The following RPL5 variants were observed in gnomAD, a reference collection of about 807,000 sequenced individuals.
RPL5 encodes ribosomal protein L5.
RPL5 carries 1 observed loss-of-function variant against 38.4 expected under a neutral mutation model. The observed-to-expected ratio is 0.03, with a 90% CI of 0.01 to 0.12. The LOEUF (loss-of-function observed/expected upper bound fraction) is 0.12. Among genes scored for constraint, RPL5 ranks in the 10% least tolerant of loss-of-function variants. RPL5 has a pLI of 1.00. For synonymous variants in RPL5, 109 were observed against 121.2 expected (o/e 0.90, Z 0.66); for missense variants, 243 against 374.1 (o/e 0.65, Z 2.89).
At chr1:92,833,279 T>G in intron 1 of RPL5, 110 bp from the exon 2 acceptor site, 1 of 882,346 alleles carries the variant, frequency 1.1e-6, no homozygotes, top group Non-Finnish European at 1.8e-6. Flanking sequence ...AAGTGACAGT[T>G]GTCTGTTTAC....
intron 1 of RPL5, chr1:92,832,924 A>G: frequency 1.5e-6 from 1 of 680,950 alleles, no homozygotes; most frequent in South Asian, 1.6e-5. Context: ...ATTTGAGGCT[A>G]GGTTTTCGAA....
At chr1:92,834,983 TG>T (rs1687060550) in intron 4 of RPL5, 70 bp downstream of exon 4, 4 of 1,591,184 alleles carry the variant, frequency 2.5e-6, no homozygotes, top group Admixed American at 1.7e-5. Flanking sequence ...GCAAGATGTT[TG>T]TACATGGATA....
intron 6 of RPL5, 153 bp downstream of exon 6, chr1:92,837,786 C>G (rs1333291522): frequency 1.5e-6 from 1 of 683,876 alleles, no homozygotes; most frequent in Non-Finnish European, 2.6e-6. Flanking sequence ...TTTAGATGCT[C>G]AAGTGTGGGA....
At position 92,833,469 on chromosome 1, in the gene RPL5, C is replaced by A; in HGVS notation, c.73+11C>A. ...TTAGAAGACGACGAGGTACTGTCAC[C>A]TTTTTGTGTTTACAATATTAATCTG... On this transcript the variant is annotated intron_variant, in intron 2 of 7. Coordinates refer to ENST00000370321, the MANE Select transcript of RPL5 (RefSeq NM_000969.5). The A allele has an allele frequency of 6.2e-7, 1 of 1,613,774 alleles. No individual in the cohort carries two copies. The highest frequency in any genetic ancestry group is 8.5e-7 in the Non-Finnish European group (1 of 1,179,746).
intron 1 of RPL5, among the ~76,000 whole-genome samples, chr1:92,832,404 G>A (rs1279442157): frequency 1.3e-5 from 2 of 152,224 alleles, no homozygotes; most frequent in East Asian, 3.8e-4. Flanking sequence ...GCCGTCTAGT[G>A]TGAGGGGGCG....
chr1:92,839,770 AATTTG>A (rs1355986546), intron 6 of RPL5, among the ~76,000 whole-genome samples: 7 of 152,192 alleles, frequency 4.6e-5, no homozygotes, highest in Admixed American at 4.6e-4. Flanking sequence ...TGCAGACAAA[AATTTG>A]ATTTAGAGTG....
At chr1:92,835,400 C>T (rs1467732996) in intron 4 of RPL5, 4 of 199,320 alleles carry the variant, frequency 2.0e-5, no homozygotes, top group South Asian at 9.0e-5. Flanking sequence ...CACTTATAAT[C>T]CCAGCACTTT....
Position 92,837,552 on chromosome 1 carries a change from G to A in RPL5, c.624G>A (p.Met208Ile). 1 of 1,612,116 alleles carries A rather than the reference G, an allele frequency of 6.2e-7. No homozygotes were observed. The highest frequency in any genetic ancestry group is 2.2e-5 in the East Asian group (1 of 44,874). Residue 208 changes from methionine to isoleucine, a missense_variant, in exon 6 of 8, where the codon ATG becomes ATA. Met to Ile is a conservative substitution (Grantham distance 10). Coordinates refer to ENST00000370321, the MANE Select transcript of RPL5 (RefSeq NM_000969.5). ...HIMGQNVADYMRYLMEEDEDA... is the reference protein window; with the variant it reads ...HIMGQNVADYIRYLMEEDEDA... ...TGGGCCAGAATGTTGCAGATTACAT[G>A]CGCTACTTAATGGAAGAAGATGAAG...
chr1:92,836,663 T>G, intron 5 of RPL5: 1 of 426,222 alleles, frequency 2.3e-6, no homozygotes, highest in Non-Finnish European at 4.3e-6. Flanking sequence ...TGCATATGAC[T>G]TAATTCTTAT....
intron 5 of RPL5, 137 bp from the exon 6 acceptor site, chr1:92,837,319 G>C: frequency 1.2e-6 from 1 of 802,948 alleles, no homozygotes; most frequent in Non-Finnish European, 2.3e-6. Context: ...TAACTGAGCA[G>C]TCAGTAGTTG....
intron 4 of RPL5, 80 bp from the exon 5 acceptor site, chr1:92,836,110 T>TA (rs1379989993): frequency 7.5e-7 from 1 of 1,334,826 alleles, no homozygotes; most frequent in Non-Finnish European, 1.1e-6. Flanking sequence ...CAGTGGTCCT[T>TA]ACGGTTATGA....
chr1:92,841,885 T>A lies in RPL5; in HGVS notation c.*20T>A. ...AGCTAAACCCAGCAATTTTCTATGA[T>A]TTTTTCAGATATAGATAATAAACTT... On this transcript the variant is annotated 3_prime_UTR_variant, in exon 8 of 8. Coordinates refer to ENST00000370321, the MANE Select transcript of RPL5 (RefSeq NM_000969.5). 1 of 1,566,368 alleles carries A rather than the reference T, an allele frequency of 6.4e-7. No homozygotes were observed. The highest frequency in any genetic ancestry group is 1.7e-5 in the Admixed American group (1 of 59,870).
intron 7 of RPL5, 64 bp downstream of exon 7, chr1:92,840,703 G>T: frequency 8.6e-7 from 1 of 1,163,592 alleles, no homozygotes; most frequent in Non-Finnish European, 1.3e-6. Flanking sequence ...ACGTGGGGCA[G>T]ACTGTTGGTG....
chr1:92,832,084 G>C lies in RPL5; in HGVS notation c.-31G>C, dbSNP rs374750719. On this transcript the variant is annotated 5_prime_UTR_variant, in exon 1 of 8. Transcript: ENST00000370321. ...GCCGCTGGGCCTGCAGGTCTCTGTC[G>C]AGCAGCGGACGCCGGTCTCTGTTCC... is the stretch of plus-strand genomic sequence containing the variant. 6.2e-7 allele frequency: 1 copy of C among 1,613,860 alleles called. No individual in the cohort carries two copies. The highest frequency in any genetic ancestry group is 1.1e-5 in the South Asian group (1 of 91,030).
Position 92,834,640 on chromosome 1 carries a change from A to C in RPL5, c.190-139A>C, listed in dbSNP as rs981883914. The C allele has an allele frequency of 3.6e-6, 4 of 1,111,738 alleles. No individual in the cohort carries two copies. The African/African-American group carries it at 6.2e-5, about 17-fold the overall frequency. The allele number at this position is 1,111,738 out of a possible 1,614,324, so 68.9% of individuals were successfully genotyped here. On this transcript the variant is annotated intron_variant, in intron 3 of 7. Transcript: ENST00000370321. ...TTTAAGCACCTCTAATTTACTGGTAACCCAGCTAAGAGTCTTAAGCATTTT... is the reference window on the plus strand; with the variant it reads ...TTTAAGCACCTCTAATTTACTGGTACCCCAGCTAAGAGTCTTAAGCATTTT...
In RPL5 at chr1:92,841,823, G is replaced by A. The variant is rs1368282046; in HGVS notation, c.852G>A (p.Lys284=). The A allele has an allele frequency of 1.2e-6, 2 of 1,611,712 alleles. No homozygotes were observed. The highest frequency in any genetic ancestry group is 3.3e-5 in the Admixed American group (2 of 59,966). The change falls in exon 8 of 8, where the codon AAG becomes AAA. Residue 284 remains lysine, a synonymous_variant. Transcript: ENST00000370321. ...AGAAGGATCGGGTAGCTCAAAAGAA[G>A]GCAAGCTTCCTCAGAGCTCAGGAGC... ...AQKKDRVAQK[K]ASFLRAQERA... is the part of the protein sequence containing the mutation.
chr1:92,833,956 A>T, intron 3 of RPL5: 1 of 381,118 alleles, frequency 2.6e-6, no homozygotes, highest in East Asian at 6.0e-5. Flanking sequence ...AAATGTAAGA[A>T]AATTAGCTGG....
chr1:92,840,723 A>G (rs779250986), intron 7 of RPL5, 84 bp downstream of exon 7: 2 of 982,148 alleles, frequency 2.0e-6, no homozygotes, highest in South Asian at 2.6e-5. Flanking sequence ...GTAATTGTGC[A>G]AACTCGATCA....
Position 92,837,468 on chromosome 1 carries a change from C to G in RPL5, c.540C>G (p.Phe180Leu). The G allele has an allele frequency of 6.2e-7, 1 of 1,613,270 alleles. No homozygotes were observed. Among genetic ancestry groups the G allele is most frequent in the Non-Finnish European group, 8.5e-7 (1 of 1,179,694 alleles). Residue 180 changes from phenylalanine (F) to leucine (L), a missense_variant, in exon 6 of 8, where the codon TTC (phenylalanine) becomes TTG (leucine). By Grantham distance (22) the Phe-to-Leu change is conservative. Transcript: ENST00000370321. ...GLSIPHSTKR[F>L]PGYDSESKEF... ...AACTTTATTTTAGTACCAAACGATT[C>G]CCTGGTTATGATTCTGAAAGCAAGG...
Sources: gnomAD v4.1 joint callset for allele counts (sites outside exome capture counted in the v4.1 genomes callset) on GRCh38, gnomAD v4.1.1 for gene constraint, MANE v1.5 for transcripts, NCBI Gene and HGNC (gene_info 2026-07-23, HGNC 2026-07-21) for gene names.